INPP5D: variants seen among roughly 807,000 people sequenced by gnomAD.
The protein encoded by INPP5D is phosphatidylinositol 3,4,5-trisphosphate 5-phosphatase 1.
A neutral mutation model predicts 122.9 loss-of-function variants in INPP5D; 33 were observed. That is an observed-to-expected ratio of 0.27 (90% confidence interval 0.20 to 0.36). INPP5D has a LOEUF of 0.36. INPP5D is among the 10% of genes least tolerant of loss of function. INPP5D has a pLI of 1.00. For missense variants in INPP5D, 1,053 were observed against 1,412.7 expected, an observed-to-expected ratio of 0.75 and a Z score of 4.08; for synonymous variants, 584 against 576.2, an observed-to-expected ratio of 1.01 and a Z score of -0.19.
chr2:233,181,803 T>C (rs1694791586), intron 18 of INPP5D, among the ~76,000 whole-genome samples: 1 of 151,870 alleles, frequency 6.6e-6, no homozygotes, highest in Non-Finnish European at 1.5e-5. Context: ...TCTTCATCAA[T>C]AAAATAAAGT....
chr2:233,152,113 C>T (rs188840312), intron 9 of INPP5D, among the ~76,000 whole-genome samples: 8 of 152,282 alleles, frequency 5.3e-5, no homozygotes, highest in Admixed American at 3.9e-4. Flanking sequence ...TACTTAACTC[C>T]TCAAAGCCTC....
chr2:233,091,098 C>G (rs1691980620), intron 2 of INPP5D, among the ~76,000 whole-genome samples: 1 of 152,208 alleles, frequency 6.6e-6, no homozygotes, highest in Admixed American at 6.5e-5. Context: ...ACACTAAACT[C>G]CTTCCTGCCC....
intron 9 of INPP5D, among the ~76,000 whole-genome samples, chr2:233,152,223 C>A (rs1198285486): frequency 8.8e-6 from 1 of 113,492 alleles, no homozygotes; most frequent in Non-Finnish European, 1.8e-5. Flanking sequence ...TGGTGAGTTT[C>A]CATCCATGGT....
chr2:233,130,690 C>G, intron 5 of INPP5D, 42 bp downstream of exon 5: 5 of 1,610,222 alleles, frequency 3.1e-6, no homozygotes, highest in Non-Finnish European at 4.2e-6. Flanking sequence ...GGGGCGGCCA[C>G]CAGGTGAGAG....
intron 13 of INPP5D, among the ~76,000 whole-genome samples, chr2:233,165,650 CCATG>C (rs1401162786): frequency 6.6e-6 from 1 of 150,828 alleles, no homozygotes; most frequent in Non-Finnish European, 1.5e-5. Flanking sequence ...GTGTGAGAGT[CCATG>C]CATGTGTTTG....
rs778502781 is a variant in INPP5D, at chr2:233,060,458, C to G, written c.-21C>G. The stretch of plus-strand genomic sequence containing the variant: ...GTCCTGGGGGTGCCTGCCGGCCCGG[C>G]CGAGGAGGCCCACGCCCACCATGGT... On this transcript the variant is annotated 5_prime_UTR_variant, in exon 1 of 27. Transcript: ENST00000445964. The G allele has an allele frequency of 6.3e-7, 1 of 1,584,336 alleles. No individual in the cohort carries two copies. The highest frequency in any genetic ancestry group is 1.3e-5 in the African/African-American group (1 of 74,444).
chr2:233,169,899 G>A (rs1330426364), intron 14 of INPP5D, 127 bp from the exon 15 acceptor site: 1 of 1,531,998 alleles, frequency 6.5e-7, no homozygotes, highest in African/African-American at 1.4e-5. Flanking sequence ...AGGGCTGGAG[G>A]GCTAAGTCTC....
At chr2:233,094,510 CCCAAAAAAAA>C (rs1283252851) in intron 2 of INPP5D, among the ~76,000 whole-genome samples, 42 of 27,800 alleles carry the variant, frequency 1.5e-3, no homozygotes, top group Admixed American at 2.4e-3. Flanking sequence ...AAGACTCCAT[CCCAAAAAAAA>C]AAAAAAAAAA....
chr2:233,168,756 C>T (rs968001513), intron 13 of INPP5D: 2 of 152,378 alleles, frequency 1.3e-5, no homozygotes, highest in Non-Finnish European at 2.9e-5. Flanking sequence ...ATTACTGGGC[C>T]CCATCCCAGG....
At chr2:233,109,280 AC>A (rs1296077384) in intron 2 of INPP5D, among the ~76,000 whole-genome samples, 1 of 152,182 alleles carries the variant, frequency 6.6e-6, no homozygotes, top group Non-Finnish European at 1.5e-5. Flanking sequence ...CCCACAGCAC[AC>A]GCTTCAGCTG....
intron 1 of INPP5D, among the ~76,000 whole-genome samples, chr2:233,075,777 G>C (rs1485766716): frequency 6.6e-6 from 1 of 152,126 alleles, no homozygotes; most frequent in Non-Finnish European, 1.5e-5. Context: ...GGTGTGTGTG[G>C]GGTGGTGCTG....
chr2:233,150,446 T>C lies in INPP5D; in HGVS notation c.1030+2852T>C, dbSNP rs187183501. On this transcript the variant is annotated intron_variant, in intron 9 of 26. Transcript: ENST00000445964. ...CATTAAAACTCTTTCCTTTATAAAT[T>C]ACCCAGTCTTGGGTATGTCTTTATT... 6.9e-3 allele frequency among the ~76,000 whole-genome samples: 1,058 copies of C among 152,332 alleles called. 9 individuals carry two copies. The highest frequency in any genetic ancestry group is 0.024 in the African/African-American group (991 of 41,572).
chr2:233,204,635 G>C lies in INPP5D; in HGVS notation c.3485G>C (p.Arg1162Pro). 1.9e-6 allele frequency: 3 copies of C among 1,583,776 alleles called. No individual in the cohort carries two copies. Among genetic ancestry groups the C allele is most frequent in the Non-Finnish European group, 1.7e-6 (2 of 1,166,438 alleles). The change falls in exon 26 of 27, where the codon CGC (arginine) becomes CCC (proline). Residue 1162 changes from arginine to proline, a missense_variant. Coordinates refer to ENST00000445964, the MANE Select transcript of INPP5D (RefSeq NM_001017915.3). ...CAGCACTCCAAGGGCCGCGACTACC[G>C]CGACAACACCGAGCTCCCGCATCAC... is the stretch of plus-strand genomic sequence containing the variant. ...HLQHSKGRDY[R>P]DNTELPHHGK...
intron 2 of INPP5D, among the ~76,000 whole-genome samples, chr2:233,095,839 C>G (rs1039419227): frequency 6.6e-6 from 1 of 152,128 alleles, no homozygotes; most frequent in Non-Finnish European, 1.5e-5. Flanking sequence ...GCAAATCCCC[C>G]ACCCTAGTCC....
chr2:233,178,281 A>G (rs1010390157), intron 18 of INPP5D, among the ~76,000 whole-genome samples: 5 of 152,106 alleles, frequency 3.3e-5, no homozygotes, highest in African/African-American at 1.2e-4. Flanking sequence ...TGAAAGAAAG[A>G]AATGACTGTT....
intron 9 of INPP5D, among the ~76,000 whole-genome samples, chr2:233,154,404 C>T (rs1348075658): frequency 6.6e-6 from 1 of 152,186 alleles, no homozygotes; most frequent in African/African-American, 2.4e-5. Context: ...CTGCCTTGGC[C>T]TCCCAAAGTG....
chr2:233,207,678 C>G lies in INPP5D; in HGVS notation c.*970C>G, dbSNP rs1695549660. The G allele has an allele frequency of 6.6e-6, 1 of 152,342 alleles. No individual in the cohort carries two copies. Among genetic ancestry groups the G allele is most frequent in the Non-Finnish European group, 1.5e-5 (1 of 68,058 alleles). 9.4% of individuals were successfully genotyped at this position (152,342 alleles called of 1,614,324 possible). ...AGGGTGGGCCTCTTGGTTCCAGGCT[C>G]TTGAAATAGTGCAGCCTTTTCTTCC... is the stretch of plus-strand genomic sequence containing the variant. On this transcript the variant is annotated 3_prime_UTR_variant, in exon 27 of 27. Transcript: ENST00000445964. This position sits in a 1 kb window ranked among gnomAD's most constrained non-coding sequence, Gnocchi z 4.6.
intron 4 of INPP5D, among the ~76,000 whole-genome samples, chr2:233,127,071 G>C (rs116760826): frequency 0.011 from 1,610 of 152,244 alleles, 25 homozygotes; most frequent in African/African-American, 0.037. Flanking sequence ...ACTAAGGCTC[G>C]TACACCTCCC....
chr2:233,100,671 G>A lies in INPP5D; in HGVS notation c.198+21273G>A, dbSNP rs1692287138. Among the ~76,000 whole-genome samples, 2 of 152,202 alleles carry A rather than the reference G, an allele frequency of 1.3e-5. No individual in the cohort carries two copies. Among genetic ancestry groups the A allele is most frequent in the African/African-American group, 4.8e-5 (2 of 41,438 alleles). The stretch of plus-strand genomic sequence containing the variant: ...ACGGAAGCTGGGGTCGTCACAGCCT[G>A]TTTTCTGCCTTGGGGTTTGGTCCCA... On this transcript the variant is annotated intron_variant, in intron 2 of 26. Coordinates refer to ENST00000445964, the MANE Select transcript of INPP5D (RefSeq NM_001017915.3). This position sits in a 1 kb window ranked among gnomAD's most constrained non-coding sequence, Gnocchi z 5.3.
Sources: gnomAD v4.1 joint callset for allele counts (sites outside exome capture counted in the v4.1 genomes callset) on GRCh38, gnomAD v4.1.1 for gene constraint, Gnocchi (gnomAD v3.1) non-coding constraint, MANE v1.5 for transcripts, NCBI Gene and HGNC (gene_info 2026-07-23, HGNC 2026-07-21) for gene names.